The following C6orf132 variants were observed in gnomAD, a reference collection of about 807,000 sequenced individuals.
C6orf132 encodes the protein uncharacterized protein C6orf132.
C6orf132 carries 43 observed loss-of-function variants against 65.3 expected under a neutral mutation model. The observed-to-expected ratio is 0.66, with a 90% CI of 0.52 to 0.85. The LOEUF is 0.85. Among genes scored for constraint, C6orf132 ranks in the 40% least tolerant of loss-of-function variants. The probability of loss-of-function intolerance (pLI) is 0.00; values close to 1 mark genes in which losing one functional copy is unlikely to be tolerated. For missense variants in C6orf132, 1,488 were observed against 1,548.8 expected, an observed-to-expected ratio of 0.96 and a Z score of 0.66; for synonymous variants, 631 against 654.1, an observed-to-expected ratio of 0.96 and a Z score of 0.54.
At chr6:42,107,876 T>A (rs941320144) in intron 3 of C6orf132, among the ~76,000 whole-genome samples, 16 of 152,062 alleles carry the variant, frequency 1.1e-4, no homozygotes, top group African/African-American at 3.4e-4. Flanking sequence ...GTGCCGGGAC[T>A]CCCTTGCCCC....
In C6orf132 at chr6:42,104,996, G is replaced by C. The variant is rs1766368383; in HGVS notation, c.2916C>G (p.Asn972Lys). 1 of 1,524,156 alleles carries C rather than the reference G, an allele frequency of 6.6e-7. No individual in the cohort carries two copies. Among genetic ancestry groups the C allele is most frequent in the East Asian group, 2.5e-5 (1 of 40,708 alleles). The allele number at this position is 1,524,156 out of a possible 1,614,324, so 94.4% of individuals were successfully genotyped here. The part of the protein sequence containing the change: ...KSFSSPPSPS[N>K]KREEEEEEFN... The stretch of plus-strand genomic sequence containing the variant: ...ACTCCTCCTCCTCCTCCTCCCTCTT[G>C]TTCGAAGGAGAAGGTGGGGAGGAGA... Residue 972 changes from asparagine to lysine, a missense_variant, in exon 4 of 5, where the codon AAC becomes AAG. Asn to Lys is a moderately conservative substitution (Grantham distance 94). Coordinates refer to ENST00000341865, the MANE Select transcript of C6orf132 (RefSeq NM_001164446.3). The surrounding 1 kb of genome is among the most constrained non-coding windows in gnomAD (Gnocchi z 4.1).
intron 2 of C6orf132, among the ~76,000 whole-genome samples, 189 bp downstream of exon 2, chr6:42,128,483 A>G (rs1047198206): frequency 4.6e-5 from 7 of 152,054 alleles, no homozygotes; most frequent in Non-Finnish European, 8.8e-5. Flanking sequence ...ACGAGCTGGC[A>G]TTCCTAATCC....
chr6:42,129,255 GGACTCCCTAACTCAA>G (rs925685932), intron 1 of C6orf132, among the ~76,000 whole-genome samples: 1 of 152,298 alleles, frequency 6.6e-6, no homozygotes, highest in Non-Finnish European at 1.5e-5. Context: ...CCCATCATCT[GGACTCCCTAACTCAA>G]GATTTCCCTG....
At chr6:42,113,552 C>T (rs923465914) in intron 2 of C6orf132, among the ~76,000 whole-genome samples, 4 of 152,172 alleles carry the variant, frequency 2.6e-5, no homozygotes, top group Admixed American at 1.3e-4. Flanking sequence ...TGGTGGCTCA[C>T]GCCTGTAATC....
Position 42,106,224 on chromosome 6 carries a change from A to G in C6orf132, c.1688T>C (p.Val563Ala), listed in dbSNP as rs1049731222. The G allele has an allele frequency of 1.3e-6, 2 of 1,537,074 alleles. No homozygotes were observed. Among genetic ancestry groups the G allele is most frequent in the Non-Finnish European group, 8.7e-7 (1 of 1,146,906 alleles). Residue 563 changes from valine to alanine, a missense_variant, in exon 4 of 5, where the codon GTG becomes GCG. Val to Ala is a moderately conservative substitution (Grantham distance 64, BLOSUM62 0). Coordinates refer to ENST00000341865, the MANE Select transcript of C6orf132 (RefSeq NM_001164446.3). ...YIPQDSPTPS[V>A]RQIRNELEAR... ...CTCCAGCTCATTCCGGATCTGCCGCACACTGGGAGTTGGAGAGTCTTGGGG... is the reference window on the plus strand; with the variant it reads ...CTCCAGCTCATTCCGGATCTGCCGCGCACTGGGAGTTGGAGAGTCTTGGGG...
Position 42,136,634 on chromosome 6 carries a change from C to T in C6orf132, c.145+5666G>A, listed in dbSNP as rs539430467. On this transcript the variant is annotated intron_variant, in intron 1 of 4. Coordinates refer to ENST00000341865, the MANE Select transcript of C6orf132 (RefSeq NM_001164446.3). ...CTGCCTTTCAGGGAAGCAGCGGGGG[C>T]GGCCCCATGTGAATGTAACTCACAG... Among the ~76,000 whole-genome samples the T allele has an allele frequency of 8.5e-5, 13 of 152,292 alleles. No individual in the cohort carries two copies. In the East Asian group the frequency reaches 9.6e-4, roughly 11 times the overall value.
chr6:42,107,883 C>T (rs1023643681), intron 3 of C6orf132, among the ~76,000 whole-genome samples: 9 of 152,086 alleles, frequency 5.9e-5, no homozygotes, highest in Non-Finnish European at 1.3e-4. Context: ...GACTCCCTTG[C>T]CCCCTGAGAT....
At chr6:42,131,117 C>T (rs953932905) in intron 1 of C6orf132, among the ~76,000 whole-genome samples, 2 of 152,152 alleles carry the variant, frequency 1.3e-5, no homozygotes, top group African/African-American at 4.8e-5. Context: ...AACTCCTGAA[C>T]TCAGGTGATC....
intron 2 of C6orf132, among the ~76,000 whole-genome samples, chr6:42,118,810 C>A (rs1766628919): frequency 6.6e-6 from 1 of 151,554 alleles, no homozygotes; most frequent in Non-Finnish European, 1.5e-5. Flanking sequence ...TCGGTCACTT[C>A]ACTTACTTCA....
At chr6:42,116,838 G>T (rs527359382) in intron 2 of C6orf132, among the ~76,000 whole-genome samples, 1 of 152,224 alleles carries the variant, frequency 6.6e-6, no homozygotes, top group South Asian at 2.1e-4. Context: ...TGCAGCAGGG[G>T]TCCTCAGTGG....
intron 2 of C6orf132, 109 bp from the exon 3 acceptor site, chr6:42,110,400 A>T: frequency 1.2e-6 from 1 of 806,666 alleles, no homozygotes; most frequent in Non-Finnish European, 1.9e-6. Context: ...AGTGACGGTC[A>T]TGGTTGCATA....
intron 1 of C6orf132, among the ~76,000 whole-genome samples, chr6:42,131,174 C>T (rs1242225409): frequency 6.6e-6 from 1 of 152,182 alleles, no homozygotes; most frequent in Non-Finnish European, 1.5e-5. Context: ...GTGTGCGCCA[C>T]CACACCCAGC....
intron 1 of C6orf132, among the ~76,000 whole-genome samples, chr6:42,136,132 A>AT (rs1434169063): frequency 6.9e-6 from 1 of 145,704 alleles, no homozygotes; most frequent in Non-Finnish European, 1.5e-5. Context: ...AATAATAAAA[A>AT]AAAAATAAAA....
At chr6:42,127,927 CT>C (rs70987570) in intron 2 of C6orf132, among the ~76,000 whole-genome samples, 24,347 of 142,500 alleles carry the variant, frequency 0.17, 1,711 homozygotes, top group Middle Eastern at 0.19. Context: ...CAATGACACT[CT>C]TTTTTTTTTT....
chr6:42,129,587 T>A (rs1766821866), intron 1 of C6orf132, among the ~76,000 whole-genome samples: 1 of 152,210 alleles, frequency 6.6e-6, no homozygotes. Flanking sequence ...CTCCAGTTAC[T>A]GAGTCTGTGC....
Position 42,105,214 on chromosome 6 carries a change from T to C in C6orf132, c.2698A>G (p.Lys900Glu). The change falls in exon 4 of 5, where the codon AAG becomes GAG. Residue 900 changes from lysine to glutamate, a missense_variant. Lys to Glu is a moderately conservative substitution (Grantham distance 56). Transcript: ENST00000341865. ...AGCGGGGAGTCCTTCTCAGCCTCCT[T>C]GGGTAACTTGGGCACCACAGTGAAG... ...NSFTVVPKLP[K>E]EAEKDSPLTT... The C allele has an allele frequency of 6.5e-7, 1 of 1,537,076 alleles. No individual in the cohort carries two copies. The highest frequency in any genetic ancestry group is 1.4e-5 in the African/African-American group (1 of 73,106).
chr6:42,123,673 GA>G (rs778146153), intron 2 of C6orf132, among the ~76,000 whole-genome samples: 1 of 152,118 alleles, frequency 6.6e-6, no homozygotes, highest in Non-Finnish European at 1.5e-5. Context: ...GAGAAGGAGG[GA>G]GAAAGGATCA....
chr6:42,142,319 C>T lies in C6orf132; in HGVS notation c.126G>A (p.Glu42=). The change falls in exon 1 of 5, where the codon GAG becomes GAA. Residue 42 remains glutamate (E), a synonymous_variant. Coordinates refer to ENST00000341865, the MANE Select transcript of C6orf132 (RefSeq NM_001164446.3). ...ACTCACCGAAGCCCCCGGTCCCCTCCTCCGGGGCCTCCTGGGTGAAGATCC... is the reference window on the plus strand; with the variant it reads ...ACTCACCGAAGCCCCCGGTCCCCTCTTCCGGGGCCTCCTGGGTGAAGATCC... ...PPWIFTQEAP[E]EGTGGFDGIY... 1 of 1,551,144 alleles carries T rather than the reference C, an allele frequency of 6.4e-7. No homozygotes were observed. Among genetic ancestry groups the T allele is most frequent in the Non-Finnish European group, 8.7e-7 (1 of 1,146,802 alleles).
At position 42,113,260 on chromosome 6, in the gene C6orf132, C is replaced by T. The variant is rs181742815; in HGVS notation, c.253-2969G>A. Among the ~76,000 whole-genome samples, 948 of 152,288 alleles carry T rather than the reference C, an allele frequency of 6.2e-3. 8 individuals carry two copies. The highest frequency in any genetic ancestry group is 0.024 in the Middle Eastern group (7 of 294). On this transcript the variant is annotated intron_variant, in intron 2 of 4. Transcript: ENST00000341865. ...GATTAATTTCAACATAATTGAAAAGCGGAAAGGCTGGGGACTTAGCATCAA... is the reference window on the plus strand; with the variant it reads ...GATTAATTTCAACATAATTGAAAAGTGGAAAGGCTGGGGACTTAGCATCAA...
Sources: allele counts gnomAD v4.1 joint callset (sites outside exome capture counted in the v4.1 genomes callset), GRCh38; gene constraint gnomAD v4.1.1; non-coding constraint Gnocchi (gnomAD v3.1); transcripts MANE v1.5; gene names NCBI Gene and HGNC (gene_info 2026-07-23, HGNC 2026-07-21).